The following CTNNA3 variants were observed in gnomAD, a reference collection of about 807,000 sequenced individuals.
CTNNA3 encodes catenin alpha 3.
A neutral mutation model predicts 95.7 loss-of-function variants in CTNNA3; 76 were observed. The observed-to-expected ratio is 0.79, with a 90% CI of 0.66 to 0.96. CTNNA3 has a LOEUF of 0.96. Among genes scored for constraint, CTNNA3 ranks in the 40% least tolerant of loss-of-function variants. The pLI is 0.00. For missense variants in CTNNA3, 1,191 were observed against 1,089.8 expected, an observed-to-expected ratio of 1.09 and a Z score of -1.31; for synonymous variants, 431 against 374.4, an observed-to-expected ratio of 1.15 and a Z score of -1.74.
chr10:67,031,311 A>C (rs1693506516), intron 7 of CTNNA3, among the ~76,000 whole-genome samples: 1 of 152,158 alleles, frequency 6.6e-6, no homozygotes, highest in Non-Finnish European at 1.5e-5. Context: ...AGTAACAGAG[A>C]AGGGAAAAAA....
At chr10:67,730,103 A>G (rs1294449425) in intron 1 of CTNNA3, among the ~76,000 whole-genome samples, 2 of 152,086 alleles carry the variant, frequency 1.3e-5, no homozygotes, top group East Asian at 3.8e-4. Context: ...CTTCATTTAC[A>G]CTCCCTTCTC....
At chr10:66,669,214 T>C (rs1236178853) in intron 9 of CTNNA3, among the ~76,000 whole-genome samples, 1 of 152,110 alleles carries the variant, frequency 6.6e-6, no homozygotes, top group African/African-American at 2.4e-5. Context: ...TTTCATATTA[T>C]AATAAGTTGT....
chr10:67,073,368 C>CT (rs1856569108), intron 7 of CTNNA3, among the ~76,000 whole-genome samples: 1 of 152,040 alleles, frequency 6.6e-6, no homozygotes, highest in African/African-American at 2.4e-5. Context: ...AACCATATTG[C>CT]TTTTTTTCAT....
chr10:67,425,209 T>C (rs567373437), intron 5 of CTNNA3, among the ~76,000 whole-genome samples: 31 of 152,252 alleles, frequency 2.0e-4, no homozygotes, highest in African/African-American at 7.2e-4. Context: ...TTTCATTCAT[T>C]CAATATTTAT....
chr10:67,726,465 GATATAATATT>G lies in CTNNA3; in HGVS notation c.-2+36959_-2+36968del, dbSNP rs1841222941. On this transcript the variant is annotated intron_variant, in intron 1 of 17. Coordinates refer to the CTNNA3 transcript ENST00000684154. ...ATATATAATATTATATATGATATATGATATAATATTATATATTATATCATATACAATATAT... is the reference window on the plus strand; with the variant it reads ...ATATATAATATTATATATGATATATGATATATTATATCATATACAATATAT... 3.0e-4 allele frequency among the ~76,000 whole-genome samples: 4 copies of G among 13,542 alleles called. No homozygotes were observed. In the Admixed American group the frequency reaches 6.3e-3, roughly 21 times the overall value. The allele number at this position is 13,542 out of a possible 152,430, so 8.9% of individuals were successfully genotyped here. A position where few individuals can be genotyped will look rare whatever the true frequency, so the allele number is the denominator to read the frequency against.
intron 9 of CTNNA3, among the ~76,000 whole-genome samples, chr10:66,763,337 CACACAG>C (rs1377069508): frequency 1.7e-4 from 22 of 126,628 alleles, no homozygotes; most frequent in South Asian, 5.6e-4. Context: ...CACACACACA[CACACAG>C]AGAGAGAGAG....
intron 7 of CTNNA3, among the ~76,000 whole-genome samples, chr10:67,041,490 G>T (rs1278100149): frequency 6.6e-6 from 1 of 152,076 alleles, no homozygotes; most frequent in Non-Finnish European, 1.5e-5. Flanking sequence ...TATTCCTAAA[G>T]CTTTCTTCCA....
chr10:66,547,202 T>A (rs1842060617), intron 10 of CTNNA3, among the ~76,000 whole-genome samples: 1 of 152,038 alleles, frequency 6.6e-6, no homozygotes, highest in African/African-American at 2.4e-5. Context: ...CACTTTCACA[T>A]TTCATTAACA....
intron 5 of CTNNA3, among the ~76,000 whole-genome samples, chr10:67,412,435 G>C (rs994490330): frequency 6.6e-6 from 1 of 152,056 alleles, no homozygotes; most frequent in Non-Finnish European, 1.5e-5. Context: ...AAATACATTT[G>C]AGGACACAGG....
At chr10:67,158,191 C>G (rs1310628270) in intron 7 of CTNNA3, among the ~76,000 whole-genome samples, 3 of 152,110 alleles carry the variant, frequency 2.0e-5, no homozygotes, top group Admixed American at 1.3e-4. Context: ...AGGCAAACTC[C>G]TGGCTTCCCT....
chr10:66,555,302 A>C (rs1306833606), intron 10 of CTNNA3, among the ~76,000 whole-genome samples: 1 of 152,074 alleles, frequency 6.6e-6, no homozygotes, highest in African/African-American at 2.4e-5. Context: ...AGTTCTGTTC[A>C]TCCTCTCAAC....
At chr10:66,091,950 G>T (rs1479395909) in intron 14 of CTNNA3, among the ~76,000 whole-genome samples, 1 of 151,684 alleles carries the variant, frequency 6.6e-6, no homozygotes, top group Non-Finnish European at 1.5e-5. Flanking sequence ...TGACATCTTT[G>T]CTTGGTTTTT....
chr10:67,587,434 CT>C (rs2133338249), intron 3 of CTNNA3, among the ~76,000 whole-genome samples: 1 of 152,152 alleles, frequency 6.6e-6, no homozygotes, highest in Non-Finnish European at 1.5e-5. Flanking sequence ...ATCTGCTTGT[CT>C]GGAAAGTGTT....
intron 7 of CTNNA3, among the ~76,000 whole-genome samples, chr10:66,891,762 T>C (rs1246707766): frequency 6.6e-6 from 1 of 152,132 alleles, no homozygotes; most frequent in Non-Finnish European, 1.5e-5. Flanking sequence ...TAGAGTGTGA[T>C]TGTATGTATA....
chr10:66,438,397 C>T (rs2093352680), intron 11 of CTNNA3, among the ~76,000 whole-genome samples: 1 of 152,200 alleles, frequency 6.6e-6, no homozygotes, highest in Non-Finnish European at 1.5e-5. Flanking sequence ...ATGCCCTGCC[C>T]AGAAAGGAGG....
Position 66,927,234 on chromosome 10 carries a change from T to C in CTNNA3, c.1048-151710A>G. The C allele has an allele frequency of 6.2e-7, 1 of 1,614,180 alleles. No homozygotes were observed. Among genetic ancestry groups the C allele is most frequent in the Admixed American group, 1.7e-5 (1 of 60,032 alleles). ...GCAATATTGACGAAAATGCTTTTAA[T>C]GGAATACGCAGACTCAAAGAGCTGA... is the stretch of plus-strand genomic sequence containing the variant. On this transcript the variant is annotated intron_variant, in intron 7 of 17. Transcript: ENST00000433211. The surrounding 1 kb of genome is among the most constrained non-coding windows in gnomAD (Gnocchi z 4.7).
intron 12 of CTNNA3, among the ~76,000 whole-genome samples, chr10:66,315,280 T>C (rs376018133): frequency 6.6e-6 from 1 of 152,074 alleles, no homozygotes; most frequent in South Asian, 2.1e-4. Flanking sequence ...CTGGCCCCAC[T>C]TCATTATTAA....
chr10:67,722,370 A>G (rs990364934), intron 1 of CTNNA3, among the ~76,000 whole-genome samples: 2 of 152,196 alleles, frequency 1.3e-5, no homozygotes, highest in African/African-American at 4.8e-5. Flanking sequence ...ATAGAAGGTG[A>G]GGCAAAGCAT....
intron 7 of CTNNA3, among the ~76,000 whole-genome samples, chr10:67,125,748 A>T (rs1859693625): frequency 1.3e-5 from 2 of 152,230 alleles, no homozygotes; most frequent in African/African-American, 4.8e-5. Flanking sequence ...TGGCCTGGAC[A>T]GAGTGTGAAA....
Sources: gnomAD v4.1 joint callset for allele counts (sites outside exome capture counted in the v4.1 genomes callset) on GRCh38, gnomAD v4.1.1 for gene constraint, Gnocchi (gnomAD v3.1) non-coding constraint, MANE v1.5 for transcripts, NCBI Gene and HGNC (gene_info 2026-07-23, HGNC 2026-07-21) for gene names.